TMEM132D: variants seen among roughly 807,000 people sequenced by gnomAD.
TMEM132D encodes mature OL transmembrane protein.
In TMEM132D, 21 loss-of-function variants were observed where a neutral mutation model predicts 62.3. The observed-to-expected ratio is 0.34, with a 90% CI of 0.24 to 0.49. The LOEUF is 0.49. Ranked by LOEUF, TMEM132D falls within the 20% of genes least tolerant of loss-of-function variation. The pLI, the probability that TMEM132D is intolerant of heterozygous loss-of-function variation, is 0.99. For synonymous variants in TMEM132D, 621 were observed against 575.6 expected, an observed-to-expected ratio of 1.08 and a Z score of -1.13; for missense variants, 1,346 against 1,402.8, an observed-to-expected ratio of 0.96 and a Z score of 0.65.
chr12:129,260,209 G>A (rs571587583), intron 4 of TMEM132D, among the ~76,000 whole-genome samples: 1 of 152,180 alleles, frequency 6.6e-6, no homozygotes, highest in Admixed American at 6.5e-5. Flanking sequence ...AACAGCAAGC[G>A]AGTAGGGTGA....
chr12:129,498,493 A>C, intron 3 of TMEM132D, among the ~76,000 whole-genome samples: 1 of 152,112 alleles, frequency 6.6e-6, no homozygotes, highest in Admixed American at 6.5e-5. Context: ...GCCTCAAGTG[A>C]TCCACCCGCC....
At chr12:129,094,715 A>C (rs1206848250) in intron 5 of TMEM132D, among the ~76,000 whole-genome samples, 2 of 152,234 alleles carry the variant, frequency 1.3e-5, no homozygotes, top group Non-Finnish European at 2.9e-5. Flanking sequence ...TCATGCTGCT[A>C]TAAAGACACA....
chr12:129,207,245 A>AGAT (rs201509785), intron 5 of TMEM132D, among the ~76,000 whole-genome samples: 24 of 102,090 alleles, frequency 2.4e-4, no homozygotes, highest in African/African-American at 7.6e-4. Context: ...GACAGTCAGA[A>AGAT]GATGAATACA....
At chr12:129,780,706 GC>G (rs1278465564) in intron 1 of TMEM132D, among the ~76,000 whole-genome samples, 2 of 152,152 alleles carry the variant, frequency 1.3e-5, no homozygotes, top group Non-Finnish European at 2.9e-5. Context: ...GCTACCACAA[GC>G]CCCCTGTACC....
chr12:129,871,198 C>T (rs1874229567), intron 1 of TMEM132D, among the ~76,000 whole-genome samples: 1 of 152,128 alleles, frequency 6.6e-6, no homozygotes, highest in Admixed American at 6.5e-5. Context: ...GTTCCAGGTG[C>T]GCCCATGCTC....
intron 2 of TMEM132D, among the ~76,000 whole-genome samples, chr12:129,638,858 T>C (rs1037637236): frequency 9.9e-5 from 15 of 152,060 alleles, no homozygotes; most frequent in Non-Finnish European, 1.8e-4. Context: ...GGTGGCCACA[T>C]TGCTTTCCCA....
In TMEM132D at chr12:129,880,942, G is replaced by A. The variant is rs533955484; in HGVS notation, c.79+22319C>T. ...TAAAAAATACAGATTGTCAGAATGA[G>A]TATAAAGTAACGCCCATTTACACGC... On this transcript the variant is annotated intron_variant, in intron 1 of 8. Coordinates refer to ENST00000422113, the MANE Select transcript of TMEM132D (RefSeq NM_133448.3). Among the ~76,000 whole-genome samples the A allele has an allele frequency of 2.0e-5, 3 of 152,128 alleles. No individual in the cohort carries two copies. The South Asian group carries it at 6.2e-4, about 32-fold the overall frequency.
chr12:129,617,543 C>A (rs748891142), intron 2 of TMEM132D, among the ~76,000 whole-genome samples: 1 of 150,250 alleles, frequency 6.7e-6, no homozygotes, highest in Non-Finnish European at 1.5e-5. Flanking sequence ...CTTGTATATA[C>A]CATTCCTGAG....
chr12:129,639,696 C>G (rs155714), intron 2 of TMEM132D, among the ~76,000 whole-genome samples: 149,535 of 152,188 alleles, frequency 0.98, 73,505 homozygotes, highest in East Asian at 1. Flanking sequence ...ACCCTCCAGT[C>G]GCTTCTGTGC....
chr12:129,320,981 C>CCTATCTATCTATCTATCTATCTATCTAT (rs1223377579), intron 4 of TMEM132D, among the ~76,000 whole-genome samples: 1 of 148,794 alleles, frequency 6.7e-6, no homozygotes, highest in African/African-American at 2.4e-5. Flanking sequence ...TATCTACCTA[C>CCTATCTATCTATCTATCTATCTATCTAT]CTACCTACCT....
intron 1 of TMEM132D, among the ~76,000 whole-genome samples, chr12:129,723,757 C>T (rs1174219898): frequency 6.6e-6 from 1 of 152,174 alleles, no homozygotes; most frequent in African/African-American, 2.4e-5. Flanking sequence ...CAAAGTAGCC[C>T]TTTTATTGAA....
chr12:129,499,189 A>G (rs752347387), intron 3 of TMEM132D, among the ~76,000 whole-genome samples: 8 of 152,214 alleles, frequency 5.3e-5, no homozygotes, highest in Non-Finnish European at 1.0e-4. Flanking sequence ...AAACATATGC[A>G]AAATATTGCA....
intron 1 of TMEM132D, among the ~76,000 whole-genome samples, chr12:129,876,252 C>T (rs929021491): frequency 6.6e-6 from 1 of 152,176 alleles, no homozygotes; most frequent in Non-Finnish European, 1.5e-5. Flanking sequence ...GTGATCTAAA[C>T]TCGGGTCTTA....
chr12:129,900,324 A>C (rs900619909), intron 1 of TMEM132D, among the ~76,000 whole-genome samples: 2 of 152,176 alleles, frequency 1.3e-5, no homozygotes, highest in Non-Finnish European at 2.9e-5. Flanking sequence ...CATCCGTTTC[A>C]GCATATTATT....
chr12:129,193,467 A>G (rs1362037834), intron 5 of TMEM132D, among the ~76,000 whole-genome samples: 1 of 152,216 alleles, frequency 6.6e-6, no homozygotes, highest in Non-Finnish European at 1.5e-5. Flanking sequence ...GGCTGCTGCC[A>G]CCAGGTGGCA....
At chr12:129,617,572 T>C (rs879730443) in intron 2 of TMEM132D, among the ~76,000 whole-genome samples, 18 of 152,170 alleles carry the variant, frequency 1.2e-4, no homozygotes, top group Non-Finnish European at 2.5e-4. Flanking sequence ...AGGCTTCTTT[T>C]TCATTGAAAG....
intron 3 of TMEM132D, among the ~76,000 whole-genome samples, chr12:129,424,202 TAA>T (rs5801853): frequency 0.048 from 7,147 of 148,608 alleles, 208 homozygotes; most frequent in Admixed American, 0.06. Context: ...AATTTTTTTG[TAA>T]AAAAAAAAAA....
chr12:129,769,222 T>G (rs1279442255), intron 1 of TMEM132D, among the ~76,000 whole-genome samples: 1 of 152,186 alleles, frequency 6.6e-6, no homozygotes, highest in Non-Finnish European at 1.5e-5. Context: ...TACCTGAGAC[T>G]GGCTAATTTA....
At chr12:129,563,356 C>T (rs1233867899) in intron 2 of TMEM132D, among the ~76,000 whole-genome samples, 1 of 152,088 alleles carries the variant, frequency 6.6e-6, no homozygotes, top group African/African-American at 2.4e-5. Context: ...TATTTTTGAT[C>T]CTCAGTGCTC....
Sources: gnomAD v4.1 joint callset for allele counts (sites outside exome capture counted in the v4.1 genomes callset) on GRCh38, gnomAD v4.1.1 for gene constraint, MANE v1.5 for transcripts, NCBI Gene and HGNC (gene_info 2026-07-23, HGNC 2026-07-21) for gene names.